The following SYT2 variants were observed in gnomAD, a reference collection of about 807,000 sequenced individuals.
SYT2 encodes the protein synaptotagmin-2.
Under a neutral mutation model 39.9 loss-of-function variants are expected in SYT2, and 15 were observed. The ratio of observed to expected loss-of-function variants is 0.38; its 90% CI spans 0.25 to 0.58. SYT2 has a LOEUF of 0.58. SYT2 is among the 20% of genes least tolerant of loss of function. The pLI is 0.70. For synonymous variants in SYT2, 181 were observed against 204.5 expected (o/e 0.89, Z 0.98); for missense variants, 389 against 530.3 (o/e 0.73, Z 2.62).
chr1:202,608,358 C>T lies in SYT2; in HGVS notation c.-17-2569G>A, dbSNP rs1690776867. ...GCAGTGGTGCAACCACTTACTACAG[C>T]CTCCACCTCCAGGGCTCAAGTGATC... On this transcript the variant is annotated intron_variant, in intron 1 of 8. Coordinates refer to ENST00000367268, the MANE Select transcript of SYT2 (RefSeq NM_177402.5). Among the ~76,000 whole-genome samples, 4 of 151,480 alleles carry T rather than the reference C, an allele frequency of 2.6e-5. No individual in the cohort carries two copies. The South Asian group carries it at 8.3e-4, about 31-fold the overall frequency.
intron 1 of SYT2, among the ~76,000 whole-genome samples, chr1:202,709,614 C>A (rs528349861): frequency 3.4e-4 from 52 of 152,212 alleles, no homozygotes; most frequent in African/African-American, 1.3e-3. Context: ...CGTCCTAGGT[C>A]GTGCTGAGTC....
At chr1:202,629,873 G>C (rs1377474035) in intron 1 of SYT2, among the ~76,000 whole-genome samples, 5 of 125,714 alleles carry the variant, frequency 4.0e-5, no homozygotes, top group Admixed American at 1.6e-4. Context: ...CTGGTGGGGG[G>C]GGGGGGGTGG....
rs546807374 is a variant in SYT2 at position 202,702,245 on chromosome 1, T to C, written c.-18+8013A>G. Among the ~76,000 whole-genome samples, 6 of 152,194 alleles carry C rather than the reference T, an allele frequency of 3.9e-5. No individual in the cohort carries two copies. The South Asian group carries it at 1.2e-3, about 31-fold the overall frequency. On this transcript the variant is annotated intron_variant, in intron 1 of 8. Coordinates refer to ENST00000367268, the MANE Select transcript of SYT2 (RefSeq NM_177402.5). ...TGGGGCTGGCTTGCCAATGGCAGGC[T>C]CAGTTCTTGATGCTTCCCTGCCTCC...
At chr1:202,667,687 ATTTTC>A (rs1039597510) in intron 1 of SYT2, among the ~76,000 whole-genome samples, 7 of 151,866 alleles carry the variant, frequency 4.6e-5, no homozygotes, top group Non-Finnish European at 5.9e-5. Flanking sequence ...CTTCTCAGAT[ATTTTC>A]TTTTATTTTT....
chr1:202,670,364 C>G (rs1470950473), intron 1 of SYT2, among the ~76,000 whole-genome samples: 1 of 152,098 alleles, frequency 6.6e-6, no homozygotes, highest in Non-Finnish European at 1.5e-5. Context: ...CCCTTTAACC[C>G]CTGCATTGCT....
chr1:202,700,653 TAAG>T (rs1344266466), intron 1 of SYT2, among the ~76,000 whole-genome samples: 1 of 152,236 alleles, frequency 6.6e-6, no homozygotes, highest in African/African-American at 2.4e-5. Flanking sequence ...AAATATCTAG[TAAG>T]AAGGAGGCCT....
intron 1 of SYT2, among the ~76,000 whole-genome samples, chr1:202,624,586 GTGTGTGGTATC>G (rs1232921816): frequency 7.4e-6 from 1 of 135,408 alleles, no homozygotes; most frequent in Admixed American, 7.1e-5. Flanking sequence ...GGTGTGTGAT[GTGTGTGGTATC>G]TGTGTGGTGT....
intron 1 of SYT2, among the ~76,000 whole-genome samples, chr1:202,689,240 CCCA>C (rs905928662): frequency 1.3e-5 from 2 of 152,284 alleles, no homozygotes; most frequent in African/African-American, 4.8e-5. Context: ...ACATATTGAG[CCCA>C]CCACCTCACA....
At chr1:202,681,673 C>T (rs910155433) in intron 1 of SYT2, among the ~76,000 whole-genome samples, 2 of 152,154 alleles carry the variant, frequency 1.3e-5, no homozygotes, top group Admixed American at 6.5e-5. Context: ...GGTAAGGGGA[C>T]GGCAGGTCCT....
At chr1:202,685,675 C>A (rs1403701379) in intron 1 of SYT2, among the ~76,000 whole-genome samples, 1 of 152,068 alleles carries the variant, frequency 6.6e-6, no homozygotes, top group African/African-American at 2.4e-5. Context: ...GAGATGCCTG[C>A]ATTATTCCTT....
intron 1 of SYT2, among the ~76,000 whole-genome samples, chr1:202,683,611 C>T (rs1350599505): frequency 2.6e-5 from 4 of 151,984 alleles, no homozygotes; most frequent in Non-Finnish European, 5.9e-5. Context: ...CGTGGTGGTG[C>T]ATGCCTGTGG....
Position 202,593,229 on chromosome 1 carries a change from A to C in SYT2, c.*3528T>G, listed in dbSNP as rs1463056661. ...CTCTCTGTGAGGCTGGGTGAGACCC[A>C]GGACTCAGATGCCTTATGAATTAAC... On this transcript the variant is annotated 3_prime_UTR_variant, in exon 9 of 9. Coordinates refer to ENST00000367268, the MANE Select transcript of SYT2 (RefSeq NM_177402.5). 6.6e-6 allele frequency: 1 copy of C among 152,240 alleles called. No homozygotes were observed. The highest frequency in any genetic ancestry group is 1.5e-5 in the Non-Finnish European group (1 of 68,050). The allele number at this position is 152,240 out of a possible 1,614,324, so 9.4% of individuals were successfully genotyped here.
intron 1 of SYT2, among the ~76,000 whole-genome samples, chr1:202,704,124 G>A: frequency 6.6e-6 from 1 of 152,142 alleles, no homozygotes; most frequent in East Asian, 1.9e-4. Flanking sequence ...TTCTCTGCAG[G>A]GGATGGGAGG....
chr1:202,682,020 C>G (rs1653538901), intron 1 of SYT2, among the ~76,000 whole-genome samples: 1 of 152,224 alleles, frequency 6.6e-6, no homozygotes, highest in Non-Finnish European at 1.5e-5. Flanking sequence ...TGAGCCACAG[C>G]CTTCCTACTC....
intron 1 of SYT2, 123 bp from the exon 2 acceptor site, chr1:202,605,912 A>T: frequency 3.2e-6 from 2 of 633,370 alleles, no homozygotes; most frequent in Non-Finnish European, 5.5e-6. Flanking sequence ...TAATATTAAC[A>T]ACTGTAGTAA....
In SYT2 at chr1:202,667,466, C is replaced by CGTGTGT. The variant is rs35072265; in HGVS notation, c.-18+42786_-18+42791dup. On this transcript the variant is annotated intron_variant, in intron 1 of 8. Transcript: ENST00000367268. ...TAAAGACAACAGGCAAGTGACCAGC[C>CGTGTGT]GTGTGTGTGTGTGTGTGTGTGTGTG... 4.6e-3 allele frequency among the ~76,000 whole-genome samples: 648 copies of CGTGTGT among 140,822 alleles called. 3 individuals carry two copies. Among genetic ancestry groups the CGTGTGT allele is most frequent in the African/African-American group, 0.015 (534 of 36,446 alleles). 92.4% of individuals were successfully genotyped at this position (140,822 alleles called of 152,430 possible).
At chr1:202,641,581 C>A (rs1691917820) in intron 1 of SYT2, among the ~76,000 whole-genome samples, 1 of 152,250 alleles carries the variant, frequency 6.6e-6, no homozygotes, top group African/African-American at 2.4e-5. Context: ...CAACCGAAGA[C>A]AGAACCAGAG....
chr1:202,615,987 C>T (rs1558431381), intron 1 of SYT2, among the ~76,000 whole-genome samples: 2 of 152,110 alleles, frequency 1.3e-5, no homozygotes, highest in South Asian at 4.1e-4. Flanking sequence ...ATGGCTACCC[C>T]CGACTGCTGA....
At chr1:202,620,504 G>A (rs1412185558) in intron 1 of SYT2, among the ~76,000 whole-genome samples, 1 of 151,788 alleles carries the variant, frequency 6.6e-6, no homozygotes, top group Non-Finnish European at 1.5e-5. Flanking sequence ...TGTCAGGGCA[G>A]AAAGCAGGAC....
Sources: gnomAD v4.1 joint callset for allele counts (sites outside exome capture counted in the v4.1 genomes callset) on GRCh38, gnomAD v4.1.1 for gene constraint, MANE v1.5 for transcripts, NCBI Gene and HGNC (gene_info 2026-07-23, HGNC 2026-07-21) for gene names.